Variants in LRRC37A2 observed in about 807,000 individuals in gnomAD.
LRRC37A2 encodes the protein leucine rich repeat containing 37 member A2, also known as leucine-rich repeat-containing protein 37A2.
A neutral mutation model predicts 68.8 loss-of-function variants in LRRC37A2; 9 were observed. The observed-to-expected ratio is 0.13, with a 90% CI of 0.08 to 0.23. The LOEUF (loss-of-function observed/expected upper bound fraction) is 0.23. Ranked by LOEUF, LRRC37A2 falls within the 10% of genes least tolerant of loss-of-function variation. The pLI, the probability that LRRC37A2 is intolerant of heterozygous loss-of-function variation, is 1.00. For synonymous variants in LRRC37A2, 63 were observed against 367.6 expected (o/e 0.17, Z 9.48); for missense variants, 168 against 950.4 (o/e 0.18, Z 10.82).
At chr17:46,896,476 G>C in the LRRC37A2 span, among the ~76,000 whole-genome samples, 1 of 128,524 alleles carries the variant, frequency 7.8e-6, no homozygotes, top group African/African-American at 4.3e-5. Flanking sequence ...AAGAAAGAAA[G>C]ACAGACCAAG....
the LRRC37A2 span, among the ~76,000 whole-genome samples, chr17:46,834,394 GGCGC>G: frequency 6.6e-6 from 1 of 152,080 alleles, no homozygotes; most frequent in African/African-American, 2.4e-5. Flanking sequence ...TGCTGGGGAG[GGCGC>G]GCATTAGGAG....
chr17:46,721,959 T>G, the LRRC37A2 span: 2 of 1,604,246 alleles, frequency 1.2e-6, no homozygotes, highest in Non-Finnish European at 1.7e-6. Flanking sequence ...TGGAAAGATT[T>G]CAGTTGAGGA....
chr17:46,771,871 C>T, the LRRC37A2 span, among the ~76,000 whole-genome samples: 2 of 144,838 alleles, frequency 1.4e-5, no homozygotes, highest in African/African-American at 2.5e-5. Flanking sequence ...GCCCAGGCCC[C>T]TCCGGCGCCC....
the LRRC37A2 span, chr17:46,755,553 C>G: frequency 1.5e-6 from 1 of 689,300 alleles, no homozygotes; most frequent in Non-Finnish European, 2.4e-6. Context: ...TCTCCCTGTC[C>G]TGCTTCGCAA....
At chr17:46,868,321 G>A in the LRRC37A2 span, among the ~76,000 whole-genome samples, 1 of 152,234 alleles carries the variant, frequency 6.6e-6, no homozygotes, top group Admixed American at 6.5e-5. Flanking sequence ...GCTGGGCGTG[G>A]TGGCTCATGC....
the LRRC37A2 span, among the ~76,000 whole-genome samples, chr17:46,881,295 G>A: frequency 2.0e-5 from 3 of 152,190 alleles, no homozygotes; most frequent in Non-Finnish European, 4.4e-5. Flanking sequence ...CAGCATCCCC[G>A]TCCTAACATG....
the LRRC37A2 span, chr17:46,726,438 TG>T: frequency 2.2e-6 from 2 of 926,902 alleles, no homozygotes; most frequent in Non-Finnish European, 3.6e-6. Context: ...TCCAAAGTGT[TG>T]GTGTTTTCCT....
the LRRC37A2 span, among the ~76,000 whole-genome samples, chr17:46,992,821 C>G: frequency 7.8e-6 from 1 of 127,768 alleles, no homozygotes; most frequent in Non-Finnish European, 1.6e-5. Flanking sequence ...CCATTGCACT[C>G]CAGCCTGGGA....
chr17:46,957,607 G>A, the LRRC37A2 span, among the ~76,000 whole-genome samples: 1 of 141,940 alleles, frequency 7.0e-6, no homozygotes, highest in East Asian at 2.1e-4. Context: ...AGTGAGACTT[G>A]GTCTCAAAAC....
chr17:46,971,892 C>T, the LRRC37A2 span, among the ~76,000 whole-genome samples: 1 of 152,230 alleles, frequency 6.6e-6, no homozygotes, highest in Non-Finnish European at 1.5e-5. Context: ...TCTCCCTCCC[C>T]GGCAAGGGGG....
the LRRC37A2 span, among the ~76,000 whole-genome samples, chr17:46,838,393 A>G: frequency 6.6e-6 from 1 of 151,982 alleles, no homozygotes; most frequent in Non-Finnish European, 1.5e-5. Context: ...TTGGAAGGCC[A>G]AGGCAGGAGG....
the LRRC37A2 span, among the ~76,000 whole-genome samples, chr17:46,844,305 C>CTTT: frequency 0.014 from 1,776 of 127,328 alleles, 42 homozygotes; most frequent in Admixed American, 0.023. Context: ...AGTTAGCCAC[C>CTTT]TTTTTTTTTT....
the LRRC37A2 span, among the ~76,000 whole-genome samples, chr17:46,988,962 A>G: frequency 6.6e-6 from 1 of 152,196 alleles, no homozygotes; most frequent in Non-Finnish European, 1.5e-5. Context: ...AGAGGAAGAC[A>G]TAACATGTGG....
chr17:46,542,705 ATATT>A (rs1157031971), intron 8 of LRRC37A2, among the ~76,000 whole-genome samples: 1 of 149,992 alleles, frequency 6.7e-6, no homozygotes, highest in Non-Finnish European at 1.5e-5. Flanking sequence ...AAATATATAT[ATATT>A]TATATATATG....
At chr17:46,583,582 A>C in the LRRC37A2 span, among the ~76,000 whole-genome samples, 1 of 79,204 alleles carries the variant, frequency 1.3e-5, no homozygotes, top group Non-Finnish European at 3.5e-5. Flanking sequence ...GGCGTGAGCC[A>C]CGGTGCCCAG....
At chr17:46,504,914 AATTT>A in the LRRC37A2 span, among the ~76,000 whole-genome samples, 3 of 122,156 alleles carry the variant, frequency 2.5e-5, no homozygotes, top group East Asian at 3.1e-4. Context: ...TTAATTAATA[AATTT>A]ATTTAATAAA....
the LRRC37A2 span, among the ~76,000 whole-genome samples, chr17:46,910,952 A>G: frequency 4.6e-5 from 7 of 152,328 alleles, no homozygotes; most frequent in South Asian, 1.5e-3. Flanking sequence ...GCAGGGAGCC[A>G]CTGATGGTTC....
chr17:46,575,310 T>C, the LRRC37A2 span, among the ~76,000 whole-genome samples: 2 of 150,234 alleles, frequency 1.3e-5, no homozygotes, highest in Non-Finnish European at 3.0e-5. Flanking sequence ...TGGTTCACAG[T>C]AAGAGCAGTG....
the LRRC37A2 span, among the ~76,000 whole-genome samples, chr17:46,806,558 C>T: frequency 2.0e-5 from 3 of 152,122 alleles, no homozygotes; most frequent in East Asian, 1.9e-4. Context: ...GCTGCTTTCT[C>T]GAGGCTGCTT....
Sources: gnomAD v4.1 joint callset for allele counts (sites outside exome capture counted in the v4.1 genomes callset) on GRCh38, gnomAD v4.1.1 for gene constraint, MANE v1.5 for transcripts, NCBI Gene and HGNC (gene_info 2026-07-23, HGNC 2026-07-21) for gene names.